Variants in RAVER2 observed in about 807,000 individuals in gnomAD.
RAVER2 encodes the protein ribonucleoprotein PTB-binding 2.
In RAVER2, 46 loss-of-function variants were observed where a neutral mutation model predicts 78.1. The observed-to-expected ratio is 0.59, with a 90% CI of 0.46 to 0.75. The LOEUF is 0.75. Ranked by LOEUF, RAVER2 falls within the 30% of genes least tolerant of loss-of-function variation. The probability of loss-of-function intolerance (pLI) is 0.00; values close to 1 mark genes in which losing one functional copy is unlikely to be tolerated. For missense variants in RAVER2, 793 were observed against 837.5 expected (o/e 0.95, Z 0.66); for synonymous variants, 311 against 313.3 (o/e 0.99, Z 0.08).
chr1:64,805,343 G>T (rs1653388232), intron 8 of RAVER2, among the ~76,000 whole-genome samples: 2 of 152,102 alleles, frequency 1.3e-5, no homozygotes, highest in Admixed American at 6.6e-5. Flanking sequence ...TTTTATGCAG[G>T]TTCACAGCAG....
intron 1 of RAVER2, among the ~76,000 whole-genome samples, chr1:64,747,565 G>A (rs899930733): frequency 2.0e-5 from 3 of 150,920 alleles, no homozygotes; most frequent in Non-Finnish European, 4.4e-5. Flanking sequence ...AGGCTGGAGT[G>A]CAGTGGCGCG....
intron 1 of RAVER2, among the ~76,000 whole-genome samples, chr1:64,765,203 C>G (rs1484626641): frequency 6.6e-6 from 1 of 152,184 alleles, no homozygotes; most frequent in Non-Finnish European, 1.5e-5. Context: ...GTTGGCACTT[C>G]CTCATAAAGT....
chr1:64,748,022 T>G (rs1020689077), intron 1 of RAVER2, among the ~76,000 whole-genome samples: 14 of 152,218 alleles, frequency 9.2e-5, no homozygotes, highest in Non-Finnish European at 2.1e-4. Flanking sequence ...ATTTTTGGTA[T>G]AGCAGATTTA....
At chr1:64,783,464 G>T (rs1570551950) in intron 4 of RAVER2, among the ~76,000 whole-genome samples, 1 of 152,122 alleles carries the variant, frequency 6.6e-6, no homozygotes, top group East Asian at 1.9e-4. Flanking sequence ...GTTTTGATTT[G>T]CATTTCTCTG....
In RAVER2 at chr1:64,794,770, C is replaced by A. The variant is rs376517119; in HGVS notation, c.1105+5256C>A. ...AGTACTCTGTTGGATATATGGTTTG[C>A]AAATATTTTTTTAACAGTGTCTTTT... On this transcript the variant is annotated intron_variant, in intron 5 of 11. Coordinates refer to ENST00000294428, the Ensembl canonical transcript of RAVER2. 2.0e-5 allele frequency among the ~76,000 whole-genome samples: 3 copies of A among 152,052 alleles called. 1 individual carries two copies. The highest frequency in any genetic ancestry group is 7.2e-5 in the African/African-American group (3 of 41,504).
intron 11 of RAVER2, among the ~76,000 whole-genome samples, chr1:64,820,062 G>A (rs1653848307): frequency 6.6e-6 from 1 of 152,128 alleles, no homozygotes; most frequent in South Asian, 2.1e-4. Context: ...TAGTGTAAAG[G>A]ACAATAAGGT....
chr1:64,752,969 G>A (rs974169800), intron 1 of RAVER2, among the ~76,000 whole-genome samples: 8 of 152,112 alleles, frequency 5.3e-5, no homozygotes, highest in Admixed American at 3.3e-4. Flanking sequence ...AGCCCTGATC[G>A]AACTATATCT....
At chr1:64,778,113 A>G in intron 3 of RAVER2, 21 bp downstream of exon 3, 1 of 1,514,672 alleles carries the variant, frequency 6.6e-7, no homozygotes, top group Middle Eastern at 1.8e-4. Context: ...TTAAGAGATT[A>G]TTGAAATATT....
At chr1:64,828,255 A>T (rs1468426172) in intron 11 of RAVER2, among the ~76,000 whole-genome samples, 3 of 143,478 alleles carry the variant, frequency 2.1e-5, no homozygotes, top group Non-Finnish European at 4.5e-5. Context: ...TTTTAGAATT[A>T]TGTTTTGCAT....
intron 11 of RAVER2, among the ~76,000 whole-genome samples, chr1:64,822,310 C>A (rs1315885782): frequency 6.6e-6 from 1 of 152,130 alleles, no homozygotes; most frequent in East Asian, 1.9e-4. Context: ...AGTACGAGAA[C>A]AACATCTCAT....
At chr1:64,755,234 T>C (rs1166345762) in intron 1 of RAVER2, among the ~76,000 whole-genome samples, 1 of 152,192 alleles carries the variant, frequency 6.6e-6, no homozygotes, top group Non-Finnish European at 1.5e-5. Flanking sequence ...AGTAAGAAAA[T>C]AAGTTTCTCT....
chr1:64,796,395 GC>G (rs1653097391), intron 5 of RAVER2, among the ~76,000 whole-genome samples: 1 of 151,984 alleles, frequency 6.6e-6, no homozygotes, highest in Non-Finnish European at 1.5e-5. Flanking sequence ...AGTGAAATCA[GC>G]TGTGTCAAAT....
chr1:64,832,885 C>CAAACA (rs1171037121), exon 12 of RAVER2: 2 of 152,614 alleles, frequency 1.3e-5, no homozygotes, highest in African/African-American at 4.8e-5. Flanking sequence ...ATAGTACAAA[C>CAAACA]AAACAAACAA....
chr1:64,790,426 A>C (rs1652903560), intron 5 of RAVER2, among the ~76,000 whole-genome samples: 1 of 152,162 alleles, frequency 6.6e-6, no homozygotes, highest in Non-Finnish European at 1.5e-5. Flanking sequence ...TGTAGTGCTT[A>C]TGTTCGAGTA....
In RAVER2 at chr1:64,824,709, C is replaced by T. The variant is rs561333585; in HGVS notation, c.1930-6130C>T. On this transcript the variant is annotated intron_variant, in intron 11 of 11. Transcript: ENST00000294428. Reference sequence around the variant, plus strand: ...CTTTGGGAGGCTGAGGTGGGTGGATCACCTGAGGTCAAGAATTCAAGACCA... The same window carrying T: ...CTTTGGGAGGCTGAGGTGGGTGGATTACCTGAGGTCAAGAATTCAAGACCA... Among the ~76,000 whole-genome samples, 403 of 152,084 alleles carry T rather than the reference C, an allele frequency of 2.6e-3. 3 individuals carry two copies. The highest frequency in any genetic ancestry group is 9.3e-3 in the African/African-American group (386 of 41,472).
At chr1:64,766,448 G>T (rs553288913) in intron 1 of RAVER2, among the ~76,000 whole-genome samples, 6 of 152,232 alleles carry the variant, frequency 3.9e-5, no homozygotes, top group African/African-American at 1.4e-4. Context: ...AGCAACCAGG[G>T]CATGGAGAAA....
At chr1:64,805,169 A>C in intron 8 of RAVER2, 64 bp downstream of exon 8, 1 of 1,413,068 alleles carries the variant, frequency 7.1e-7, no homozygotes, top group Non-Finnish European at 9.8e-7. Context: ...AAGATAGTTT[A>C]CCTATGTTCT....
chr1:64,775,285 T>A (rs535892333), intron 2 of RAVER2, among the ~76,000 whole-genome samples: 1 of 152,326 alleles, frequency 6.6e-6, no homozygotes, highest in African/African-American at 2.4e-5. Context: ...CTTTTGCAAG[T>A]CCTCAGATGA....
At chr1:64,809,489 A>AAAATAAATAAATAAAT (rs10691863) in intron 9 of RAVER2, among the ~76,000 whole-genome samples, 5,005 of 147,400 alleles carry the variant, frequency 0.034, 124 homozygotes, top group Admixed American at 0.089. Flanking sequence ...CTCTAGTGCA[A>AAAATAAATAAATAAAT]AAATAAATAA....
Sources: gnomAD v4.1 joint callset for allele counts (sites outside exome capture counted in the v4.1 genomes callset) on GRCh38, gnomAD v4.1.1 for gene constraint, MANE v1.5 for transcripts, NCBI Gene and HGNC (gene_info 2026-07-23, HGNC 2026-07-21) for gene names.